Variants in RAB27B observed in about 807,000 individuals in gnomAD.
RAB27B encodes RAB27B, member RAS oncogene family, also known as ras-related protein Rab-27B.
RAB27B carries 15 observed loss-of-function variants against 24.6 expected under a neutral mutation model. The ratio of observed to expected loss-of-function variants is 0.61; its 90% CI spans 0.41 to 0.94. The LOEUF is 0.94. Ranked by LOEUF, RAB27B falls within the 40% of genes least tolerant of loss-of-function variation. RAB27B has a pLI of 0.00. For synonymous variants in RAB27B, 105 were observed against 92.5 expected (o/e 1.14, Z -0.78); for missense variants, 261 against 266.8 (o/e 0.98, Z 0.15).
In RAB27B at chr18:54,877,557, TC is replaced by T. The variant is rs1221046459; in HGVS notation, c.-19-8del. 3 of 1,467,974 alleles carry T rather than the reference TC, an allele frequency of 2.0e-6. No homozygotes were observed. The highest frequency in any genetic ancestry group is 2.7e-6 in the Non-Finnish European group (3 of 1,112,402). 90.9% of individuals were successfully genotyped at this position (1,467,974 alleles called of 1,614,324 possible). A position where few individuals can be genotyped will look rare whatever the true frequency, so the allele number is the denominator to read the frequency against. ...AATCAAAACATACTTGTTTTCCCTC[TC>T]CTATACAGACCGACCAAGACCATCA... On this transcript the variant is annotated splice_polypyrimidine_tract_variant and intron_variant, in intron 1 of 5. Coordinates refer to ENST00000262094, the MANE Select transcript of RAB27B (RefSeq NM_004163.4).
At chr18:54,758,542 T>C (rs915414759) in intron 2 of RAB27B, among the ~76,000 whole-genome samples, 2 of 151,812 alleles carry the variant, frequency 1.3e-5, no homozygotes, top group African/African-American at 4.8e-5. Flanking sequence ...AAAGACTTCA[T>C]GTATGAAGGA....
chr18:54,883,602 G>T (rs2145284550), intron 3 of RAB27B, among the ~76,000 whole-genome samples: 1 of 152,148 alleles, frequency 6.6e-6, no homozygotes, highest in Middle Eastern at 3.4e-3. Context: ...GGGGGTGAGG[G>T]CATGGAAAGC....
intron 2 of RAB27B, among the ~76,000 whole-genome samples, chr18:54,718,648 G>T (rs1909265334): frequency 6.6e-6 from 1 of 152,052 alleles, no homozygotes; most frequent in African/African-American, 2.4e-5. Context: ...ACTTTTTCCT[G>T]ACTCAATACC....
chr18:54,773,564 G>A (rs1378207930), intron 2 of RAB27B, among the ~76,000 whole-genome samples: 1 of 152,148 alleles, frequency 6.6e-6, no homozygotes, highest in Non-Finnish European at 1.5e-5. Context: ...AACTCTGCGA[G>A]GCACTATCTT....
intron 2 of RAB27B, among the ~76,000 whole-genome samples, chr18:54,819,542 A>AAG (rs1555659627): frequency 6.7e-6 from 1 of 149,190 alleles, no homozygotes; most frequent in African/African-American, 2.5e-5. Flanking sequence ...AAAAAAAAAA[A>AAG]AAAAAGAAAA....
At chr18:54,817,235 A>G (rs779118341) in intron 2 of RAB27B, among the ~76,000 whole-genome samples, 1 of 152,202 alleles carries the variant, frequency 6.6e-6, no homozygotes, top group Non-Finnish European at 1.5e-5. Context: ...TGAAACTTTT[A>G]TCAGCAGAAT....
intron 2 of RAB27B, among the ~76,000 whole-genome samples, chr18:54,737,705 A>G (rs1909940903): frequency 6.6e-6 from 1 of 152,206 alleles, no homozygotes; most frequent in African/African-American, 2.4e-5. Flanking sequence ...ATGTGAACAT[A>G]GGAGAAAGGA....
At chr18:54,885,700 CTTG>C (rs1257901507) in intron 4 of RAB27B, among the ~76,000 whole-genome samples, 1 of 152,034 alleles carries the variant, frequency 6.6e-6, no homozygotes, top group East Asian at 1.9e-4. Context: ...TTTTGGTTTA[CTTG>C]TTGTGTTAGT....
At chr18:54,770,011 G>A (rs868207525) in intron 2 of RAB27B, among the ~76,000 whole-genome samples, 2 of 152,106 alleles carry the variant, frequency 1.3e-5, no homozygotes, top group East Asian at 1.9e-4. Flanking sequence ...GGGATTACAC[G>A]TGTGCACCAC....
intron 3 of RAB27B, among the ~76,000 whole-genome samples, chr18:54,883,915 C>A (rs767042215): frequency 2.6e-5 from 4 of 152,138 alleles, no homozygotes; most frequent in Non-Finnish European, 4.4e-5. Flanking sequence ...CACAGGCATT[C>A]ATTTTCAGGC....
intron 1 of RAB27B, among the ~76,000 whole-genome samples, chr18:54,836,718 C>T (rs1263957682): frequency 2.6e-5 from 4 of 151,818 alleles, no homozygotes; most frequent in Non-Finnish European, 4.4e-5. Context: ...ACATTAAAAT[C>T]GGAGGATTTA....
chr18:54,852,806 A>G (rs375545390), intron 1 of RAB27B, among the ~76,000 whole-genome samples: 108 of 152,354 alleles, frequency 7.1e-4, no homozygotes, highest in African/African-American at 2.6e-3. Context: ...TGTGCCACTA[A>G]AAATGAAAGA....
chr18:54,840,718 T>C (rs1568090532), intron 1 of RAB27B, among the ~76,000 whole-genome samples: 1 of 152,198 alleles, frequency 6.6e-6, no homozygotes, highest in Non-Finnish European at 1.5e-5. Context: ...CTTCCTCCTG[T>C]AGAGTTTCTA....
chr18:54,821,247 C>G (rs1456835790), intron 2 of RAB27B, among the ~76,000 whole-genome samples: 2 of 152,096 alleles, frequency 1.3e-5, no homozygotes, highest in Non-Finnish European at 2.9e-5. Flanking sequence ...AAATAACAGA[C>G]AAACAGAGAG....
chr18:54,797,476 A>T (rs1909460651), intron 2 of RAB27B, among the ~76,000 whole-genome samples: 1 of 152,208 alleles, frequency 6.6e-6, no homozygotes, highest in African/African-American at 2.4e-5. Context: ...AGATTGCACC[A>T]CTGCACTCCA....
At chr18:54,722,637 G>A (rs532539019) in intron 2 of RAB27B, among the ~76,000 whole-genome samples, 1 of 152,316 alleles carries the variant, frequency 6.6e-6, no homozygotes, top group Admixed American at 6.5e-5. Context: ...AAAGAAGGTA[G>A]TTCATTGATA....
In RAB27B at chr18:54,877,780, C is replaced by G. The variant is rs762913068; in HGVS notation, c.153+42C>G. On this transcript the variant is annotated intron_variant, in intron 2 of 5. Coordinates refer to ENST00000262094, the MANE Select transcript of RAB27B (RefSeq NM_004163.4). ...ACTTCTAACCTTGTCACTCATCCCC[C>G]TATATAAAATAAGAATCAAGAAGCT... The G allele has an allele frequency of 3.3e-6, 5 of 1,514,204 alleles. No homozygotes were observed. In the South Asian group the frequency reaches 6.8e-5, roughly 21 times the overall value. 93.8% of individuals were successfully genotyped at this position (1,514,204 alleles called of 1,614,324 possible).
intron 1 of RAB27B, among the ~76,000 whole-genome samples, chr18:54,864,954 G>A (rs1282956528): frequency 1.3e-5 from 2 of 152,088 alleles, no homozygotes; most frequent in African/African-American, 4.8e-5. Flanking sequence ...TAGATTTTGA[G>A]AGGGATTAAA....
chr18:54,879,475 T>A (rs367952443), intron 3 of RAB27B, 21 bp downstream of exon 3: 81 of 1,579,758 alleles, frequency 5.1e-5, no homozygotes, highest in Non-Finnish European at 6.4e-5. Context: ...ATTGCTTTAT[T>A]TGTGGCTACA....
Sources: gnomAD v4.1 joint callset for allele counts (sites outside exome capture counted in the v4.1 genomes callset) on GRCh38, gnomAD v4.1.1 for gene constraint, MANE v1.5 for transcripts, NCBI Gene and HGNC (gene_info 2026-07-23, HGNC 2026-07-21) for gene names.